Variants in FAT2 observed in about 807,000 individuals in gnomAD.
The protein encoded by FAT2 is FAT atypical cadherin 2, also known as protocadherin Fat 2.
A neutral mutation model predicts 295.3 loss-of-function variants in FAT2; 150 were observed. That is an observed-to-expected ratio of 0.51 (90% CI 0.44 to 0.58). FAT2 has a LOEUF of 0.58. Among genes scored for constraint, FAT2 ranks in the 20% least tolerant of loss-of-function variants. FAT2 has a pLI of 0.00. For synonymous variants in FAT2, 2,026 were observed against 2,150.3 expected (o/e 0.94, Z 1.60); for missense variants, 4,868 against 5,442.7 (o/e 0.89, Z 3.32).
rs2127602927 is a variant in FAT2, at chr5:151,540,769, C to T, written c.8843-6G>A. The stretch of plus-strand genomic sequence containing the variant: ...CTGGCCCAGGGGGTCTCCCTCTAAA[C>T]AGATGGGGCAGAGCTTTCAGAAGCC... On this transcript the variant is annotated splice_region_variant and splice_polypyrimidine_tract_variant and intron_variant, in intron 10 of 23. Transcript: ENST00000261800. 3.1e-6 allele frequency: 5 copies of T among 1,609,970 alleles called. No individual in the cohort carries two copies. The highest frequency in any genetic ancestry group is 3.4e-6 in the Non-Finnish European group (4 of 1,177,200).
chr5:151,552,659 C>T (rs1359455335), intron 6 of FAT2, among the ~76,000 whole-genome samples: 1 of 152,158 alleles, frequency 6.6e-6, no homozygotes, highest in Non-Finnish European at 1.5e-5. Flanking sequence ...GATGTTGAAA[C>T]AAAACCTTGA....
In FAT2 at chr5:151,568,946, G is replaced by T. The variant is rs374174076; in HGVS notation, c.-15C>A. 6.3e-7 allele frequency: 1 copy of T among 1,577,502 alleles called. No individual in the cohort carries two copies. Among genetic ancestry groups the T allele is most frequent in the Non-Finnish European group, 8.6e-7 (1 of 1,163,188 alleles). On this transcript the variant is annotated 5_prime_UTR_variant, in exon 2 of 24. Transcript: ENST00000261800. ...GCAATAGTCATGGTGGAAAACTCCC[G>T]AAACCCTGGGCAGAAAATAAAAGAC...
intron 1 of FAT2, among the ~76,000 whole-genome samples, chr5:151,574,760 C>T (rs994452141): frequency 1.3e-5 from 2 of 152,216 alleles, no homozygotes; most frequent in Non-Finnish European, 2.9e-5. Context: ...TAATCTACTT[C>T]CAAGAAACTT....
chr5:151,582,973 A>G (rs1759019246), intron 1 of FAT2, among the ~76,000 whole-genome samples: 1 of 151,910 alleles, frequency 6.6e-6, no homozygotes, highest in Admixed American at 6.5e-5. Context: ...TAACTTTATC[A>G]CCTGGAAGTC....
At chr5:151,565,647 A>AGGCCCCCC in intron 2 of FAT2, 26 bp downstream of exon 2, 2 of 1,461,028 alleles carry the variant, frequency 1.4e-6, no homozygotes, top group Non-Finnish European at 9.3e-7. Context: ...TGGCCCTGGC[A>AGGCCCCCC]CCCCACCCTA....
At position 151,521,810 on chromosome 5, in the gene FAT2, G is replaced by A. The variant is rs750582114; in HGVS notation, c.10783C>T (p.Arg3595Cys). The change falls in exon 19 of 24, where the codon CGT (arginine) becomes TGT (cysteine). Residue 3595 changes from arginine (R) to cysteine (C), a missense_variant. This residue lies in a region of FAT2 where 1,046 missense variants were observed against 1,210.1 expected (regional missense o/e 0.86). Coordinates refer to ENST00000261800, the MANE Select transcript of FAT2 (RefSeq NM_001447.3). ...GTGACGTTGAACGAGTAGTGGCCACGAGGCAGGCCCTGGGCGGCGATAATC... is the reference window on the plus strand; with the variant it reads ...GTGACGTTGAACGAGTAGTGGCCACAAGGCAGGCCCTGGGCGGCGATAATC... ...GKIIAAQGLP[R>C]GHYSFNVTVS... 1.3e-5 allele frequency: 21 copies of A among 1,614,054 alleles called. No homozygotes were observed. The highest frequency in any genetic ancestry group is 4.4e-5 in the South Asian group (4 of 91,084).
chr5:151,592,757 C>A (rs755858357), upstream of FAT2, among the ~76,000 whole-genome samples: 1 of 147,694 alleles, frequency 6.8e-6, no homozygotes, highest in African/African-American at 2.4e-5. Context: ...TTTCCCCTGC[C>A]GTGTGACAAA....
intron 1 of FAT2, among the ~76,000 whole-genome samples, chr5:151,574,626 G>A (rs1175448131): frequency 6.6e-6 from 1 of 152,208 alleles, no homozygotes; most frequent in Non-Finnish European, 1.5e-5. Context: ...ATTGGGATGA[G>A]TAATCTAACA....
chr5:151,569,079 G>C (rs1218896642), intron 1 of FAT2, 128 bp from the exon 2 acceptor site: 2 of 955,934 alleles, frequency 2.1e-6, no homozygotes, highest in Non-Finnish European at 3.0e-6. Flanking sequence ...ACTTTTGGCT[G>C]ACCCAGCTTG....
Position 151,551,620 on chromosome 5 carries a change from G to A in FAT2, c.4157-14C>T, listed in dbSNP as rs76119485. Reference sequence around the variant, plus strand: ...CCTTATCCCCACCTAGAGTGGGAGTGGGGAGAAAGCACACACAACCTCAGT... The same window carrying A: ...CCTTATCCCCACCTAGAGTGGGAGTAGGGAGAAAGCACACACAACCTCAGT... On this transcript the variant is annotated splice_polypyrimidine_tract_variant and intron_variant, in intron 6 of 23. Transcript: ENST00000261800. 2,596 of 1,613,632 alleles carry A rather than the reference G, an allele frequency of 1.6e-3. 30 individuals carry two copies. In the African/African-American group the frequency reaches 0.03, roughly 19 times the overall value.
chr5:151,577,652 A>G (rs1758795099), intron 1 of FAT2, among the ~76,000 whole-genome samples: 1 of 152,166 alleles, frequency 6.6e-6, no homozygotes, highest in Admixed American at 6.5e-5. Context: ...AGAGAGCCAG[A>G]GAGCTATCTT....
In FAT2 at chr5:151,542,388, T is replaced by A. The variant is rs143949622; in HGVS notation, c.8739A>T (p.Gly2913=). The A allele has an allele frequency of 4.1e-5, 66 of 1,614,062 alleles. No homozygotes were observed. The highest frequency in any genetic ancestry group is 5.1e-5 in the Non-Finnish European group (60 of 1,180,030). ...APRFASEEYR[G]SVVENSEPGE... The stretch of plus-strand genomic sequence containing the variant: ...CAGGCTCACTGTTCTCAACCACAGA[T>A]CCTCTGTACTCTTCAGAAGCAAATC... The change falls in exon 10 of 24, where the codon GGA becomes GGT. Residue 2913 remains glycine (G), a synonymous_variant. Transcript: ENST00000261800.
intron 1 of FAT2, among the ~76,000 whole-genome samples, chr5:151,569,428 C>A (rs1402054223): frequency 6.6e-6 from 1 of 152,090 alleles, no homozygotes; most frequent in Non-Finnish European, 1.5e-5. Context: ...AAAAACACAC[C>A]CCCATGATTC....
At chr5:151,589,874 C>T (rs1372403586) in intron 1 of FAT2, among the ~76,000 whole-genome samples, 4 of 152,038 alleles carry the variant, frequency 2.6e-5, no homozygotes, top group Non-Finnish European at 5.9e-5. Flanking sequence ...GCCTGGGTGA[C>T]AGAGAGAGAC....
rs1329046910 is a variant in FAT2, at chr5:151,550,746, A to T, written c.4422T>A (p.Asp1474Glu). ...GVELLRVQAI[D>E]QDKGKSLIYT... ...AGATGAGGCTTTTGCCCTTGTCTTGATCTATGGCCTGGACTCGCAGGAGCT... is the reference window on the plus strand; with the variant it reads ...AGATGAGGCTTTTGCCCTTGTCTTGTTCTATGGCCTGGACTCGCAGGAGCT... The change falls in exon 8 of 24, where the codon GAT becomes GAA. Residue 1474 changes from aspartate (D) to glutamate (E), a missense_variant. Physicochemically the swap from Asp to Glu is conservative, Grantham distance 45 (BLOSUM62 2). Coordinates refer to ENST00000261800, the MANE Select transcript of FAT2 (RefSeq NM_001447.3). 6.2e-7 allele frequency: 1 copy of T among 1,613,800 alleles called. No individual in the cohort carries two copies. The highest frequency in any genetic ancestry group is 8.5e-7 in the Non-Finnish European group (1 of 1,179,988).
chr5:151,506,592 T>C (rs165337), intron 23 of FAT2, among the ~76,000 whole-genome samples: 22,399 of 152,238 alleles, frequency 0.15, 2,003 homozygotes, highest in Non-Finnish European at 0.21. Context: ...TTGGGTTAGT[T>C]AGAACAAGTC....
chr5:151,562,835 G>A (rs1007104177), intron 3 of FAT2, among the ~76,000 whole-genome samples: 2 of 152,214 alleles, frequency 1.3e-5, no homozygotes, highest in African/African-American at 4.8e-5. Flanking sequence ...CTTTGGGCAG[G>A]TGCTCCTGAG....
Position 151,567,261 on chromosome 5 carries a change from C to G in FAT2, c.1671G>C (p.Leu557Phe), listed in dbSNP as rs770306101. Residue 557 changes from leucine to phenylalanine, a missense_variant, in exon 2 of 24, where the codon TTG becomes TTC. By Grantham distance (22) the Leu-to-Phe change is conservative (BLOSUM62 0). Coordinates refer to ENST00000261800, the MANE Select transcript of FAT2 (RefSeq NM_001447.3). The stretch of plus-strand genomic sequence containing the variant: ...CTTCAAACATAGGCTGGTTGTCATT[C>G]AAGTTCCTGAGCTGAAGAAAAATGG... ...EVSIFLQLRN[L>F]NDNQPMFEEV... 58 of 1,613,976 alleles carry G rather than the reference C, an allele frequency of 3.6e-5. No homozygotes were observed. Among genetic ancestry groups the G allele is most frequent in the Admixed American group, 1.2e-4 (7 of 60,000 alleles).
At position 151,538,030 on chromosome 5, in the gene FAT2, G is replaced by A. The variant is rs946026686; in HGVS notation, c.9040-84C>T. The A allele has an allele frequency of 5.6e-6, 7 of 1,251,270 alleles. No individual in the cohort carries two copies. In the African/African-American group the frequency reaches 1.0e-4, roughly 19 times the overall value. The allele number at this position is 1,251,270 out of a possible 1,614,324, so 77.5% of individuals were successfully genotyped here. The stretch of plus-strand genomic sequence containing the variant: ...GAAGCAGAGTGACTGACTGAGGGAG[G>A]CAGAAGCAGAAAGAGAGACACTAAG... On this transcript the variant is annotated intron_variant, in intron 11 of 23. Coordinates refer to ENST00000261800, the MANE Select transcript of FAT2 (RefSeq NM_001447.3).
Sources: allele counts gnomAD v4.1 joint callset (sites outside exome capture counted in the v4.1 genomes callset), GRCh38; gene constraint gnomAD v4.1.1; regional missense constraint gnomAD v4.1.1; transcripts MANE v1.5; gene names NCBI Gene and HGNC (gene_info 2026-07-23, HGNC 2026-07-21).